Variants in CCDC60 observed in about 807,000 individuals in gnomAD.
CCDC60 encodes the protein coiled-coil domain-containing protein 60.
Under a neutral mutation model 63.5 loss-of-function variants are expected in CCDC60, and 54 were observed. That is an observed-to-expected ratio of 0.85 (90% CI 0.68 to 1.07). CCDC60 has a LOEUF of 1.07. CCDC60 is among the 50% of genes least tolerant of loss of function. The pLI is 0.00. For synonymous variants in CCDC60, 206 were observed against 238.8 expected, an observed-to-expected ratio of 0.86 and a Z score of 1.27; for missense variants, 651 against 684.3, an observed-to-expected ratio of 0.95 and a Z score of 0.54.
intron 1 of CCDC60, among the ~76,000 whole-genome samples, chr12:119,346,929 A>G (rs1955603880): frequency 6.6e-6 from 1 of 151,152 alleles, no homozygotes; most frequent in South Asian, 2.1e-4. Flanking sequence ...GGTTCAAGCG[A>G]TTCTCCTGCC....
chr12:119,461,011 A>G (rs1456774777), intron 2 of CCDC60, among the ~76,000 whole-genome samples: 1 of 152,258 alleles, frequency 6.6e-6, no homozygotes, highest in East Asian at 1.9e-4. Context: ...CTATGCTTGG[A>G]GCATGCAAAT....
intron 1 of CCDC60, among the ~76,000 whole-genome samples, chr12:119,346,823 TC>T (rs1955601078): frequency 7.7e-6 from 1 of 129,678 alleles, no homozygotes; most frequent in Non-Finnish European, 1.8e-5. Context: ...TTTCTTTCTT[TC>T]TTTCTTTCTT....
chr12:119,431,789 C>T, intron 2 of CCDC60, among the ~76,000 whole-genome samples: 1 of 152,174 alleles, frequency 6.6e-6, no homozygotes. Flanking sequence ...CGCCATTCTC[C>T]TGCCTCAGCC....
chr12:119,454,921 A>G (rs1239827651), intron 2 of CCDC60, among the ~76,000 whole-genome samples: 1 of 152,154 alleles, frequency 6.6e-6, no homozygotes, highest in African/African-American at 2.4e-5. Context: ...AGAATTCCTC[A>G]TGCTCAGAAA....
At chr12:119,425,368 G>A (rs1458300759) in intron 1 of CCDC60, among the ~76,000 whole-genome samples, 1 of 152,132 alleles carries the variant, frequency 6.6e-6, no homozygotes, top group African/African-American at 2.4e-5. Flanking sequence ...CAGAATGGGG[G>A]TCATCTGATC....
At chr12:119,387,260 C>T (rs187747416) in intron 1 of CCDC60, among the ~76,000 whole-genome samples, 1 of 152,210 alleles carries the variant, frequency 6.6e-6, no homozygotes, top group East Asian at 1.9e-4. Flanking sequence ...AGAGAAGTTC[C>T]TCTTTGCCCC....
At chr12:119,453,797 G>T (rs1262720825) in intron 2 of CCDC60, among the ~76,000 whole-genome samples, 1 of 151,976 alleles carries the variant, frequency 6.6e-6, no homozygotes, top group Non-Finnish European at 1.5e-5. Context: ...AAGAGGAGAG[G>T]GAAGGGAAGA....
intron 10 of CCDC60, among the ~76,000 whole-genome samples, chr12:119,523,455 A>T (rs1313144418): frequency 6.6e-6 from 1 of 152,162 alleles, no homozygotes; most frequent in East Asian, 1.9e-4. Flanking sequence ...CAGTTGTCTC[A>T]CTGTGGGCTC....
chr12:119,493,948 G>A (rs1299453528), intron 5 of CCDC60, among the ~76,000 whole-genome samples: 2 of 151,988 alleles, frequency 1.3e-5, no homozygotes, highest in Non-Finnish European at 2.9e-5. Context: ...TATTTCTGCA[G>A]AAAACAAATA....
chr12:119,534,516 C>T (rs956559267), intron 13 of CCDC60, among the ~76,000 whole-genome samples: 1 of 152,042 alleles, frequency 6.6e-6, no homozygotes, highest in South Asian at 2.1e-4. Flanking sequence ...GAATGCTTCC[C>T]GTTTTTGCCC....
intron 5 of CCDC60, among the ~76,000 whole-genome samples, chr12:119,493,138 G>T (rs1027934597): frequency 5.3e-5 from 8 of 152,110 alleles, no homozygotes. Flanking sequence ...CCATCATCAA[G>T]CAACCAGTAT....
At position 119,472,314 on chromosome 12, in the gene CCDC60, C is replaced by T. The variant is rs1014234561; in HGVS notation, c.341+150C>T. ...TAACACCTTCTTTAGTGTGGTCCAA[C>T]CAACCTTGATAGCCTCGCTTTCTGG... On this transcript the variant is annotated intron_variant, in intron 3 of 13. Transcript: ENST00000327554. The T allele has an allele frequency of 8.4e-6, 6 of 716,008 alleles. No homozygotes were observed. The Admixed American group carries it at 1.2e-4, about 14-fold the overall frequency. 44.4% of individuals were successfully genotyped at this position (716,008 alleles called of 1,614,324 possible).
In CCDC60 at chr12:119,474,098, C is replaced by T. The variant is rs535420358; in HGVS notation, c.341+1934C>T. 2.2e-3 allele frequency among the ~76,000 whole-genome samples: 329 copies of T among 152,326 alleles called. 4 individuals are homozygous for T. Among genetic ancestry groups the T allele is most frequent in the Non-Finnish European group, 1.6e-4 (11 of 68,038 alleles). On this transcript the variant is annotated intron_variant, in intron 3 of 13. Coordinates refer to ENST00000327554, the MANE Select transcript of CCDC60 (RefSeq NM_178499.5). Reference sequence around the variant, plus strand: ...TACATTCCCGAAAAAAAGTGCTCAACATCGCTAATTATCAGGGAAATGCAA... The same window carrying T: ...TACATTCCCGAAAAAAAGTGCTCAATATCGCTAATTATCAGGGAAATGCAA...
intron 4 of CCDC60, among the ~76,000 whole-genome samples, chr12:119,487,745 A>G (rs1951487686): frequency 6.6e-6 from 1 of 152,188 alleles, no homozygotes; most frequent in Admixed American, 6.5e-5. Context: ...GGTTGTAGGA[A>G]GAATTAAATA....
At chr12:119,461,182 G>A (rs961281414) in intron 2 of CCDC60, among the ~76,000 whole-genome samples, 4 of 152,038 alleles carry the variant, frequency 2.6e-5, no homozygotes, top group African/African-American at 4.8e-5. Flanking sequence ...GATAACAACC[G>A]CTTCCCATTA....
At chr12:119,464,790 G>A (rs1011486313) in intron 2 of CCDC60, among the ~76,000 whole-genome samples, 85 of 152,120 alleles carry the variant, frequency 5.6e-4, no homozygotes, top group South Asian at 8.3e-4. Flanking sequence ...AGGTCACTCC[G>A]ATCCAATGTA....
chr12:119,438,771 A>T (rs955331916), intron 2 of CCDC60, among the ~76,000 whole-genome samples: 4 of 151,712 alleles, frequency 2.6e-5, no homozygotes, highest in African/African-American at 9.7e-5. Context: ...ACTCAACCAG[A>T]CTCCTGTCAG....
chr12:119,496,369 T>C (rs946477539), intron 5 of CCDC60, among the ~76,000 whole-genome samples: 1 of 152,154 alleles, frequency 6.6e-6, no homozygotes, highest in Admixed American at 6.5e-5. Context: ...TTGGCGGATA[T>C]AGTTAAAAGA....
At chr12:119,482,039 A>ATGTATATATATGTG (rs1951336911) in intron 4 of CCDC60, among the ~76,000 whole-genome samples, 1 of 127,114 alleles carries the variant, frequency 7.9e-6, no homozygotes, top group African/African-American at 3.3e-5. Flanking sequence ...GTGTATATAT[A>ATGTATATATATGTG]TGTATATATA....
Sources: allele counts gnomAD v4.1 joint callset (sites outside exome capture counted in the v4.1 genomes callset), GRCh38; gene constraint gnomAD v4.1.1; transcripts MANE v1.5; gene names NCBI Gene and HGNC (gene_info 2026-07-23, HGNC 2026-07-21).